LANCL3: variants seen among roughly 807,000 people sequenced by gnomAD.
The protein encoded by LANCL3 is LanC like family member 3.
In LANCL3, 19 loss-of-function variants were observed where a neutral mutation model predicts 26.5. The observed-to-expected ratio is 0.72, with a 90% CI of 0.50 to 1.05. The LOEUF is 1.05. LANCL3 is among the 50% of genes least tolerant of loss of function. The pLI is 0.00. For synonymous variants in LANCL3, 160 were observed against 166.6 expected (o/e 0.96, Z 0.30); for missense variants, 318 against 362.7 (o/e 0.88, Z 1.00).
In LANCL3 at chrX:37,678,217, G is replaced by T. The variant is rs188532252; in HGVS notation, c.*2404G>T. 37 of 111,795 alleles carry T rather than the reference G, an allele frequency of 3.3e-4. No individual in the cohort carries two copies. In the East Asian group the frequency reaches 0.01, roughly 30 times the overall value. The allele number at this position is 111,795 out of a possible 1,213,427, so 9.2% of individuals were successfully genotyped here. A position where few individuals can be genotyped will look rare whatever the true frequency, so the allele number is the denominator to read the frequency against. ...GATGAAACTTTTCATTTTCCTGAAA[G>T]AATTATAGATTTTGGAAGGTCCTCT... On this transcript the variant is annotated 3_prime_UTR_variant, in exon 5 of 5. Coordinates refer to ENST00000378619, the MANE Select transcript of LANCL3 (RefSeq NM_001170331.2).
intron 1 of LANCL3, among the ~76,000 whole-genome samples, chrX:37,587,625 G>C (rs781877785): frequency 1.8e-5 from 2 of 112,938 alleles, no homozygotes; most frequent in African/African-American, 6.4e-5. Flanking sequence ...CTGGTGTGCC[G>C]TTTGCTAAGA....
Position 37,587,625 on chromosome X carries a change from G to A in LANCL3, c.573+15182G>A, listed in dbSNP as rs781877785. Among the ~76,000 whole-genome samples the A allele has an allele frequency of 5.3e-5, 6 of 112,992 alleles. 1 individual carries two copies. The South Asian group carries it at 1.1e-3, about 20-fold the overall frequency. On this transcript the variant is annotated intron_variant, in intron 1 of 4. Transcript: ENST00000378619. Reference sequence around the variant, plus strand: ...ATGGGATATAATCTCCTGGTGTGCCGTTTGCTAAGACCCTTGGAAAAGTGC... The same window carrying A: ...ATGGGATATAATCTCCTGGTGTGCCATTTGCTAAGACCCTTGGAAAAGTGC...
chrX:37,611,037 C>G (rs782149502), intron 1 of LANCL3, among the ~76,000 whole-genome samples: 1 of 111,298 alleles, frequency 9.0e-6, no homozygotes, highest in East Asian at 2.8e-4. Flanking sequence ...AGGGCTCGAG[C>G]CCATGGAGAC....
chrX:37,577,468 G>C (rs5963733), intron 1 of LANCL3, among the ~76,000 whole-genome samples: 6 of 112,718 alleles, frequency 5.3e-5, no homozygotes, highest in Non-Finnish European at 9.4e-5. Context: ...CACAGCTACA[G>C]TGTGGTATGC....
chrX:37,638,581 A>G (rs919861950), intron 1 of LANCL3, among the ~76,000 whole-genome samples: 1 of 111,891 alleles, frequency 8.9e-6, no homozygotes, highest in African/African-American at 3.3e-5. Flanking sequence ...TCATTCTACC[A>G]TATAACAGAT....
chrX:37,591,603 T>A (rs1479064873), intron 1 of LANCL3, among the ~76,000 whole-genome samples: 1 of 110,050 alleles, frequency 9.1e-6, no homozygotes, highest in Non-Finnish European at 1.9e-5. Flanking sequence ...TGGAAGGAAA[T>A]GAAGCAAGAG....
Position 37,683,457 on chromosome X carries a change from AAT to A in LANCL3, c.*7646_*7647del, listed in dbSNP as rs1556438962. The A allele has an allele frequency of 8.9e-6, 1 of 112,230 alleles. No individual in the cohort carries two copies. Among genetic ancestry groups the A allele is most frequent in the Non-Finnish European group, 1.9e-5 (1 of 53,181 alleles). The allele number at this position is 112,230 out of a possible 1,213,427, so 9.2% of individuals were successfully genotyped here. A position where few individuals can be genotyped will look rare whatever the true frequency, so the allele number is the denominator to read the frequency against. On this transcript the variant is annotated 3_prime_UTR_variant, in exon 5 of 5. Transcript: ENST00000378619. ...AAAACATAAAATTATAAAAAAAAAT[AAT>A]AGTGATTGGTTGTTACTACTTTAAA...
intron 1 of LANCL3, among the ~76,000 whole-genome samples, chrX:37,633,699 G>T (rs1164416650): frequency 1.8e-5 from 2 of 111,882 alleles, no homozygotes. Flanking sequence ...GTCCACTCCA[G>T]ACCCTGTTTG....
chrX:37,643,590 T>G (rs1925921566), intron 1 of LANCL3, among the ~76,000 whole-genome samples: 1 of 112,065 alleles, frequency 8.9e-6, no homozygotes. Flanking sequence ...AATGACATTT[T>G]GGGAAAAGTG....
At chrX:37,628,469 T>C (rs1473160577) in intron 1 of LANCL3, among the ~76,000 whole-genome samples, 2 of 110,221 alleles carry the variant, frequency 1.8e-5, no homozygotes, top group Non-Finnish European at 3.8e-5. Flanking sequence ...TATTATACTT[T>C]AAGATTTAGG....
At chrX:37,671,231 G>A (rs182008657) in intron 4 of LANCL3, among the ~76,000 whole-genome samples, 300 of 110,593 alleles carry the variant, frequency 2.7e-3, no homozygotes, top group African/African-American at 9.3e-3. Context: ...TTTCTCATGT[G>A]CATGGTATTT....
intron 1 of LANCL3, among the ~76,000 whole-genome samples, chrX:37,588,271 A>G (rs1377868619): frequency 1.8e-5 from 2 of 111,689 alleles, no homozygotes; most frequent in Admixed American, 9.4e-5. Context: ...GCGGTCCTGT[A>G]GTGTCCCCAC....
At chrX:37,614,677 A>C (rs1556421533) in intron 1 of LANCL3, among the ~76,000 whole-genome samples, 1 of 112,340 alleles carries the variant, frequency 8.9e-6, no homozygotes, top group Non-Finnish European at 1.9e-5. Context: ...ATCAAACTCC[A>C]AGCTGTGGCA....
intron 1 of LANCL3, among the ~76,000 whole-genome samples, chrX:37,655,058 A>G (rs1442418157): frequency 8.9e-6 from 1 of 112,935 alleles, no homozygotes; most frequent in African/African-American, 3.2e-5. Context: ...CTGTGGACAG[A>G]TTGAATAAAA....
intron 1 of LANCL3, among the ~76,000 whole-genome samples, chrX:37,614,457 G>A (rs782791582): frequency 8.9e-5 from 10 of 111,980 alleles, no homozygotes; most frequent in South Asian, 3.7e-4. Context: ...TCTTTCCCCC[G>A]GCATCAGGCA....
At chrX:37,609,722 A>G (rs1924815604) in intron 1 of LANCL3, among the ~76,000 whole-genome samples, 1 of 111,175 alleles carries the variant, frequency 9.0e-6, no homozygotes, top group Non-Finnish European at 1.9e-5. Context: ...ATAGTGACAC[A>G]CTATACATAT....
chrX:37,571,990 G>A lies in LANCL3; in HGVS notation c.120G>A (p.Gln40=), dbSNP rs1556415541. The change falls in exon 1 of 5, where the codon CAG becomes CAA. Residue 40 remains glutamine (Q), a synonymous_variant. Transcript: ENST00000378619. The stretch of plus-strand genomic sequence containing the variant: ...CCGCCACCATCGAGCGCATCCTCCA[G>A]GAGCTTCCCCCACTCGGGGGCGGCG... The part of the protein sequence containing the change: ...LVTATIERIL[Q]ELPPLGGGAE... 1.7e-6 allele frequency: 2 copies of A among 1,194,131 alleles called. No individual in the cohort carries two copies. The highest frequency in any genetic ancestry group is 2.3e-6 in the Non-Finnish European group (2 of 886,745).
intron 1 of LANCL3, among the ~76,000 whole-genome samples, chrX:37,625,882 T>A (rs1469462211): frequency 1.8e-5 from 2 of 111,555 alleles, no homozygotes; most frequent in African/African-American, 6.5e-5. Flanking sequence ...TGCCAATAGG[T>A]CTGCAGGTCA....
At chrX:37,576,307 A>G (rs1324020186) in intron 1 of LANCL3, among the ~76,000 whole-genome samples, 3 of 111,918 alleles carry the variant, frequency 2.7e-5, no homozygotes, top group Non-Finnish European at 5.6e-5. Context: ...TTCCTGGAAT[A>G]GTTCCAAGGG....
Sources: gnomAD v4.1 joint callset for allele counts (sites outside exome capture counted in the v4.1 genomes callset) on GRCh38, gnomAD v4.1.1 for gene constraint, MANE v1.5 for transcripts, NCBI Gene and HGNC (gene_info 2026-07-23, HGNC 2026-07-21) for gene names.